The following RBBP7 variants were observed in gnomAD, a reference collection of about 807,000 sequenced individuals.
RBBP7 encodes the protein histone-binding protein RBBP7.
A neutral mutation model predicts 35.2 loss-of-function variants in RBBP7; 5 were observed. The ratio of observed to expected loss-of-function variants is 0.14; its 90% CI spans 0.07 to 0.30. The LOEUF (loss-of-function observed/expected upper bound fraction) is 0.30. Among genes scored for constraint, RBBP7 ranks in the 10% least tolerant of loss-of-function variants. The pLI is 1.00. For missense variants in RBBP7, 155 were observed against 327.5 expected (o/e 0.47, Z 4.07); for synonymous variants, 140 against 118.7 (o/e 1.18, Z -1.17).
At chrX:16,851,987 T>A in intron 9 of RBBP7, 59 bp downstream of exon 9, 1 of 1,014,857 alleles carries the variant, frequency 9.9e-7, no homozygotes, top group Non-Finnish European at 1.4e-6. Flanking sequence ...TATGAATGAC[T>A]ATGTAACTTG....
intron 9 of RBBP7, among the ~76,000 whole-genome samples, chrX:16,851,185 G>A (rs1428057537): frequency 1.8e-5 from 2 of 110,047 alleles, no homozygotes; most frequent in African/African-American, 3.3e-5. Context: ...TTTCAGTTCA[G>A]ATTTGAGATG....
rs779172942 is a variant in RBBP7 at position 16,866,912 on chromosome X, C to T, written c.161+2164G>A. On this transcript the variant is annotated intron_variant, in intron 2 of 11. Transcript: ENST00000380087. Reference sequence around the variant, plus strand: ...GCCACTGCACATCCCACAACCCAATCCCACAACAGCTTTGTATACAAAGAA... The same window carrying T: ...GCCACTGCACATCCCACAACCCAATTCCACAACAGCTTTGTATACAAAGAA... Among the ~76,000 whole-genome samples the T allele has an allele frequency of 2.7e-5, 3 of 111,663 alleles. No homozygotes were observed. In the South Asian group the frequency reaches 1.1e-3, roughly 41 times the overall value.
At chrX:16,860,342 A>C (rs1208837060) in intron 3 of RBBP7, among the ~76,000 whole-genome samples, 3 of 110,841 alleles carry the variant, frequency 2.7e-5, no homozygotes, top group Non-Finnish European at 5.7e-5. Flanking sequence ...TGTTTTCTCA[A>C]ACTTAAAATT....
chrX:16,869,475 C>A (rs1930714157), intron 1 of RBBP7: 1 of 1,164,418 alleles, frequency 8.6e-7, no homozygotes, highest in Non-Finnish European at 1.1e-6. Flanking sequence ...ATTGTTTACC[C>A]TGTTACAGCT....
At chrX:16,860,566 T>G (rs1483878531) in intron 3 of RBBP7, among the ~76,000 whole-genome samples, 1 of 107,642 alleles carries the variant, frequency 9.3e-6, no homozygotes, top group East Asian at 2.9e-4. Flanking sequence ...CGGGCGCCTG[T>G]AGTCCCAGCT....
At position 16,863,094 on chromosome X, in the gene RBBP7, T is replaced by C. The variant is rs1471457495; in HGVS notation, c.168A>G (p.Glu56=). The part of the protein sequence containing the change: ...VQWLPEVTKP[E]GKDYALHWLV... ...GCCAATGAAGGGCATAATCTTTTCC[T>C]TCAGGTCTGTTTAAGAAAGAAAATA... The change falls in exon 3 of 12, where the codon GAA becomes GAG. Residue 56 remains glutamate, a synonymous_variant. Coordinates refer to ENST00000380087, the MANE Select transcript of RBBP7 (RefSeq NM_002893.4). The C allele has an allele frequency of 5.0e-6, 6 of 1,206,217 alleles. No homozygotes were observed. The highest frequency in any genetic ancestry group is 6.7e-6 in the Non-Finnish European group (6 of 892,817).
At chrX:16,850,180 T>G (rs1930179414) in intron 9 of RBBP7, among the ~76,000 whole-genome samples, 1 of 112,485 alleles carries the variant, frequency 8.9e-6, no homozygotes. Flanking sequence ...AAACTCACCA[T>G]TTTAATCCCA....
At position 16,869,089 on chromosome X, in the gene RBBP7, G is replaced by T; in HGVS notation, c.148C>A (p.Pro50Thr). The T allele has an allele frequency of 8.3e-7, 1 of 1,208,214 alleles. No homozygotes were observed. The highest frequency in any genetic ancestry group is 1.7e-5 in the African/African-American group (1 of 57,629). The stretch of plus-strand genomic sequence containing the variant: ...AGAAACCCTTACTTAGTCACTTCAG[G>T]AAGCCACTGAACGGTAAGACTGGGC... Reference protein sequence around the residue: ...QWPSLTVQWLPEVTKPEGKDY... With the variant: ...QWPSLTVQWLTEVTKPEGKDY... The change falls in exon 2 of 12, where the codon CCT becomes ACT. Residue 50 changes from proline to threonine, a missense_variant. Physicochemically the swap from Pro to Thr is conservative, Grantham distance 38 (BLOSUM62 -1). Around this residue, in one of 3 missense-constraint regions of RBBP7, gnomAD observed 59 missense variants for 90.4 expected, o/e 0.65. Coordinates refer to ENST00000380087, the MANE Select transcript of RBBP7 (RefSeq NM_002893.4).
chrX:16,855,814 C>T (rs1035745961), intron 5 of RBBP7, among the ~76,000 whole-genome samples: 3 of 107,513 alleles, frequency 2.8e-5, no homozygotes, highest in Admixed American at 2.0e-4. Context: ...TTGGGCAATA[C>T]GGCAAAACTC....
chrX:16,858,874 C>T (rs779272327), intron 3 of RBBP7, 25 bp from the exon 4 acceptor site: 19 of 1,200,175 alleles, frequency 1.6e-5, no homozygotes, highest in Admixed American at 2.2e-5. Flanking sequence ...AAGAAACACA[C>T]ACACACACAC....
intron 2 of RBBP7, among the ~76,000 whole-genome samples, chrX:16,867,979 C>G (rs1274209897): frequency 8.9e-6 from 1 of 111,983 alleles, no homozygotes; most frequent in Non-Finnish European, 1.9e-5. Context: ...GCCACCGCAC[C>G]CAGCCAAAAT....
chrX:16,846,099 G>A, intron 10 of RBBP7, 161 bp from the exon 11 acceptor site: 1 of 909,336 alleles, frequency 1.1e-6, no homozygotes, highest in South Asian at 2.9e-5. Flanking sequence ...TACTTATTTT[G>A]CAAATTTCCA....
At chrX:16,851,165 G>T (rs1282108308) in intron 9 of RBBP7, among the ~76,000 whole-genome samples, 6 of 108,451 alleles carry the variant, frequency 5.5e-5, no homozygotes, top group Non-Finnish European at 7.6e-5. Context: ...AAAAGAAGAA[G>T]AATTTGGACT....
intron 6 of RBBP7, chrX:16,853,210 T>C (rs1930252711): frequency 9.0e-6 from 2 of 222,373 alleles, no homozygotes; most frequent in South Asian, 2.7e-4. Context: ...TTTTGTCACA[T>C]TTGCCTCAGG....
At chrX:16,846,565 G>C (rs1169659806) in intron 10 of RBBP7, 2 of 112,167 alleles carry the variant, frequency 1.8e-5, no homozygotes, top group Admixed American at 1.9e-4. Flanking sequence ...TATGCCTAAG[G>C]TGAGAGCTTT....
rs185289966 is a variant in RBBP7, at chrX:16,844,596, C to T, written c.*439G>A. ...AAAGGTACCATTTTACCCATTTCTA[C>T]TCAAAAAGTAGACTCCCCCGCCCCC... On this transcript the variant is annotated 3_prime_UTR_variant, in exon 12 of 12. Coordinates refer to ENST00000380087, the MANE Select transcript of RBBP7 (RefSeq NM_002893.4). 9.9e-6 allele frequency: 1 copy of T among 101,015 alleles called. No homozygotes were observed. Among genetic ancestry groups the T allele is most frequent in the East Asian group, 3.4e-4 (1 of 2,955 alleles). 8.3% of individuals were successfully genotyped at this position (101,015 alleles called of 1,213,427 possible).
chrX:16,853,399 A>C, intron 6 of RBBP7: 1 of 224,604 alleles, frequency 4.5e-6, no homozygotes, highest in East Asian at 7.6e-5. Context: ...ATAATAAGTG[A>C]TCCTCCCACT....
intron 2 of RBBP7, among the ~76,000 whole-genome samples, chrX:16,866,969 A>G (rs1297609364): frequency 8.9e-6 from 1 of 112,201 alleles, no homozygotes; most frequent in Non-Finnish European, 1.9e-5. Context: ...ATTTAATTAA[A>G]GCATTTTGTT....
chrX:16,852,819 G>C lies in RBBP7; in HGVS notation c.815C>G (p.Thr272Ser). The C allele has an allele frequency of 8.2e-7, 1 of 1,212,180 alleles. No individual in the cohort carries two copies. The highest frequency in any genetic ancestry group is 1.1e-6 in the Non-Finnish European group (1 of 895,653). The change falls in exon 7 of 12, where the codon ACT becomes AGT. Residue 272 changes from threonine to serine, a missense_variant. Physicochemically the swap from Thr to Ser is moderately conservative, Grantham distance 58. Transcript: ENST00000380087. ...GAATGAGAGGCAGTTGACTTCGGCAGTGTGCGCATCCACCAAGTGACTCGG... is the reference window on the plus strand; with the variant it reads ...GAATGAGAGGCAGTTGACTTCGGCACTGTGCGCATCCACCAAGTGACTCGG... ...SKPSHLVDAH[T>S]AEVNCLSFNP...
Sources: allele counts gnomAD v4.1 joint callset (sites outside exome capture counted in the v4.1 genomes callset), GRCh38; gene constraint gnomAD v4.1.1; regional missense constraint gnomAD v4.1.1; transcripts MANE v1.5; gene names NCBI Gene and HGNC (gene_info 2026-07-23, HGNC 2026-07-21).